Variants in MYT1L observed in about 807,000 individuals in gnomAD.
The protein encoded by MYT1L is myelin transcription factor 1-like protein.
Under a neutral mutation model 126.7 loss-of-function variants are expected in MYT1L, and 12 were observed. The observed-to-expected ratio is 0.09, with a 90% confidence interval of 0.06 to 0.15. The LOEUF (loss-of-function observed/expected upper bound fraction) is 0.15, where lower values mean the gene tolerates loss of function less well. Among genes scored for constraint, MYT1L ranks in the 10% least tolerant of loss-of-function variants. The probability of loss-of-function intolerance (pLI) is 1.00; values close to 1 mark genes in which losing one functional copy is unlikely to be tolerated. For missense variants in MYT1L, 979 were observed against 1,585.2 expected (o/e 0.62, Z 6.49); for synonymous variants, 541 against 604.2 (o/e 0.90, Z 1.53).
rs1053659833 is a variant in MYT1L, at chr2:1,852,189, G to C, written c.2712-486C>G. On this transcript the variant is annotated intron_variant, in intron 18 of 24. Coordinates refer to ENST00000647738, the MANE Select transcript of MYT1L (RefSeq NM_001303052.2). The surrounding 1 kb of genome is among the most constrained non-coding windows in gnomAD (Gnocchi z 4.0). ...CTTCCACAGACTGGCCAGGGCTGCG[G>C]CCAGCCTGGGTGGTCCCAGGGAGCA... is the stretch of plus-strand genomic sequence containing the variant. Among the ~76,000 whole-genome samples, 2 of 152,200 alleles carry C rather than the reference G, an allele frequency of 1.3e-5. No homozygotes were observed. Among genetic ancestry groups the C allele is most frequent in the Non-Finnish European group, 2.9e-5 (2 of 68,046 alleles).
intron 5 of MYT1L, among the ~76,000 whole-genome samples, chr2:1,986,115 T>C (rs2060998851): frequency 6.6e-6 from 1 of 152,242 alleles, no homozygotes; most frequent in South Asian, 2.1e-4. Flanking sequence ...CCTGTAAATT[T>C]CAGTTAAGTG....
At chr2:2,076,760 C>T (rs2075271924) in intron 3 of MYT1L, among the ~76,000 whole-genome samples, 1 of 152,026 alleles carries the variant, frequency 6.6e-6, no homozygotes. Context: ...TAAAGATTTC[C>T]AGTTGTCATT....
chr2:1,832,907 G>T (rs985966128), intron 21 of MYT1L, among the ~76,000 whole-genome samples: 1 of 152,222 alleles, frequency 6.6e-6, no homozygotes, highest in African/African-American at 2.4e-5. Context: ...TTCTCTAAAA[G>T]ATGGTCTCTT....
chr2:1,824,271 G>A (rs1416188804), intron 21 of MYT1L: 2 of 152,336 alleles, frequency 1.3e-5, no homozygotes, highest in East Asian at 3.9e-4. Flanking sequence ...GATTCAGTTT[G>A]GTATTTTCTC....
At chr2:2,088,569 G>A (rs962781753) in intron 3 of MYT1L, among the ~76,000 whole-genome samples, 4 of 152,056 alleles carry the variant, frequency 2.6e-5, no homozygotes, top group African/African-American at 9.7e-5. Context: ...GCCTGTGGGA[G>A]CGGGGCCAGC....
At chr2:2,185,686 A>AGCCGGGCCT (rs2092059456) in intron 2 of MYT1L, among the ~76,000 whole-genome samples, 1 of 134,476 alleles carries the variant, frequency 7.4e-6, no homozygotes, top group South Asian at 2.5e-4. Context: ...AGGGGGACGC[A>AGCCGGGCCT]GCCGGGCCTT....
At chr2:1,972,212 C>T (rs573684062) in intron 8 of MYT1L, among the ~76,000 whole-genome samples, 6 of 152,252 alleles carry the variant, frequency 3.9e-5, no homozygotes, top group African/African-American at 1.2e-4. Context: ...AGCAGCCACA[C>T]GTTAATTAGA....
At chr2:2,115,141 TGAC>T (rs962425135) in intron 3 of MYT1L, among the ~76,000 whole-genome samples, 4 of 152,260 alleles carry the variant, frequency 2.6e-5, no homozygotes, top group African/African-American at 9.6e-5. Context: ...CTGCTCCTCC[TGAC>T]AGGTGATCTG....
In MYT1L at chr2:1,937,492, C is replaced by A. The variant is rs182797239; in HGVS notation, c.505+5490G>T. 2.8e-4 allele frequency among the ~76,000 whole-genome samples: 42 copies of A among 148,292 alleles called. No homozygotes were observed. The East Asian group carries it at 7.6e-3, about 27-fold the overall frequency. ...AGATCGTACGTCGAGAAGGCCCTAA[C>A]GTCCGCGGCCATCAGATTGCACATC... On this transcript the variant is annotated intron_variant, in intron 9 of 24. Transcript: ENST00000647738.
chr2:1,945,424 G>A (rs1231451035), intron 8 of MYT1L, among the ~76,000 whole-genome samples: 1 of 152,130 alleles, frequency 6.6e-6, no homozygotes, highest in African/African-American at 2.4e-5. Flanking sequence ...AGAGAGGCCA[G>A]GAGGACCAAG....
At chr2:2,198,739 T>C (rs745534434) in intron 2 of MYT1L, among the ~76,000 whole-genome samples, 2 of 152,052 alleles carry the variant, frequency 1.3e-5, no homozygotes, top group African/African-American at 2.4e-5. Context: ...GTGCCTGTAA[T>C]CCCAGCTACT....
chr2:2,066,691 T>C (rs908340172), intron 3 of MYT1L, among the ~76,000 whole-genome samples: 1 of 151,912 alleles, frequency 6.6e-6, no homozygotes, highest in Non-Finnish European at 1.5e-5. Flanking sequence ...CTTGCAAGCA[T>C]GGGGGAAAGG....
At chr2:2,144,008 A>G (rs1428434749) in intron 3 of MYT1L, among the ~76,000 whole-genome samples, 2 of 152,090 alleles carry the variant, frequency 1.3e-5, no homozygotes, top group Non-Finnish European at 2.9e-5. Context: ...ATTGGGTCCT[A>G]TGCTCAGTAC....
Position 1,929,468 on chromosome 2 carries a change from TC to T in MYT1L, c.506-6206del, listed in dbSNP as rs1358965693. Among the ~76,000 whole-genome samples the T allele has an allele frequency of 6.6e-6, 1 of 152,154 alleles. No homozygotes were observed. Among genetic ancestry groups the T allele is most frequent in the East Asian group, 1.9e-4 (1 of 5,186 alleles). On this transcript the variant is annotated intron_variant, in intron 9 of 24. Coordinates refer to ENST00000647738, the MANE Select transcript of MYT1L (RefSeq NM_001303052.2). The surrounding 1 kb of genome is among the most constrained non-coding windows in gnomAD (Gnocchi z 4.7). ...CATTGACAGTGGGATGCACGTGTCT[TC>T]CCTGCCAGGCCGCACTGTCCCTGGC...
At chr2:2,130,147 A>G (rs1013427417) in intron 3 of MYT1L, among the ~76,000 whole-genome samples, 1 of 151,598 alleles carries the variant, frequency 6.6e-6, no homozygotes, top group South Asian at 2.1e-4. Context: ...ATTTGAAAAG[A>G]GAAAGACAAC....
chr2:2,166,978 G>A (rs530032177), intron 3 of MYT1L, among the ~76,000 whole-genome samples: 2 of 152,306 alleles, frequency 1.3e-5, no homozygotes, highest in Admixed American at 6.5e-5. Flanking sequence ...TGCATAGTAA[G>A]TGAAGGCACT....
chr2:2,144,264 A>G (rs561103879), intron 3 of MYT1L, among the ~76,000 whole-genome samples: 29 of 152,128 alleles, frequency 1.9e-4, no homozygotes, highest in African/African-American at 6.7e-4. Context: ...GGCCACTCAC[A>G]GTCATGGCTC....
intron 3 of MYT1L, among the ~76,000 whole-genome samples, chr2:2,097,052 T>A (rs542771929): frequency 6.6e-6 from 1 of 152,090 alleles, no homozygotes; most frequent in African/African-American, 2.4e-5. Flanking sequence ...CCTCTTCCAA[T>A]CTCCCTGCAA....
intron 14 of MYT1L, among the ~76,000 whole-genome samples, chr2:1,900,575 AG>A (rs1325065042): frequency 6.6e-6 from 1 of 152,150 alleles, no homozygotes; most frequent in Non-Finnish European, 1.5e-5. Flanking sequence ...CTGGGATTAC[AG>A]GCGTGAGCCC....
Sources: allele counts gnomAD v4.1 joint callset (sites outside exome capture counted in the v4.1 genomes callset), GRCh38; gene constraint gnomAD v4.1.1; non-coding constraint Gnocchi (gnomAD v3.1); transcripts MANE v1.5; gene names NCBI Gene and HGNC (gene_info 2026-07-23, HGNC 2026-07-21).